The following MYO1E variants were observed in gnomAD, a reference collection of about 807,000 sequenced individuals.
MYO1E encodes myosin IE.
MYO1E carries 68 observed loss-of-function variants against 151.1 expected under a neutral mutation model. That is an observed-to-expected ratio of 0.45 (90% CI 0.37 to 0.55). The LOEUF (loss-of-function observed/expected upper bound fraction) is 0.55. MYO1E is among the 20% of genes least tolerant of loss of function. MYO1E has a pLI of 0.00. For synonymous variants in MYO1E, 601 were observed against 501.7 expected (o/e 1.20, Z -2.64); for missense variants, 1,363 against 1,389.3 (o/e 0.98, Z 0.30).
chr15:59,235,549 A>G (rs1218683415), intron 5 of MYO1E, among the ~76,000 whole-genome samples: 5 of 152,254 alleles, frequency 3.3e-5, no homozygotes, highest in African/African-American at 1.2e-4. Context: ...TATTATATAA[A>G]GAACCACAAA....
In MYO1E at chr15:59,258,761, G is replaced by C. The variant is rs535580415; in HGVS notation, c.238-2383C>G. ...CCAGCTATTTGCTTGGGAAGCTGCG[G>C]TCGGGGGATCGCTTGAGTCCTGGAG... On this transcript the variant is annotated intron_variant, in intron 3 of 27. Coordinates refer to ENST00000288235, the MANE Select transcript of MYO1E (RefSeq NM_004998.4). 3.5e-3 allele frequency among the ~76,000 whole-genome samples: 537 copies of C among 152,212 alleles called. 3 individuals are homozygous for C. The highest frequency in any genetic ancestry group is 0.012 in the African/African-American group (506 of 41,550).
chr15:59,247,482 C>T (rs1331880990), intron 4 of MYO1E, among the ~76,000 whole-genome samples: 2 of 152,164 alleles, frequency 1.3e-5, no homozygotes, highest in African/African-American at 4.8e-5. Context: ...TCTCTTAAGC[C>T]TCATTTTTTA....
At chr15:59,323,050 T>A (rs1346273228) in intron 1 of MYO1E, among the ~76,000 whole-genome samples, 1 of 148,788 alleles carries the variant, frequency 6.7e-6, no homozygotes, top group Non-Finnish European at 1.5e-5. Context: ...GCACCTGTAG[T>A]CCCAGCTACT....
intron 19 of MYO1E, among the ~76,000 whole-genome samples, chr15:59,175,884 G>A (rs1385780456): frequency 6.6e-6 from 1 of 152,116 alleles, no homozygotes; most frequent in Non-Finnish European, 1.5e-5. Context: ...AGAAATTAGG[G>A]AGGTTCAAGA....
chr15:59,275,740 A>T (rs2080314538), intron 1 of MYO1E, among the ~76,000 whole-genome samples: 1 of 152,218 alleles, frequency 6.6e-6, no homozygotes, highest in Non-Finnish European at 1.5e-5. Context: ...GACAAGGTGG[A>T]TCAATGAAAG....
chr15:59,277,564 A>AAAAACAAAAC (rs2080328177), intron 1 of MYO1E, among the ~76,000 whole-genome samples: 1 of 139,794 alleles, frequency 7.2e-6, no homozygotes, highest in African/African-American at 2.8e-5. Context: ...AAAAAAAAAA[A>AAAAACAAAAC]AAAAAAAAAC....
At chr15:59,305,907 C>A (rs1019500280) in intron 1 of MYO1E, among the ~76,000 whole-genome samples, 1 of 152,124 alleles carries the variant, frequency 6.6e-6, no homozygotes, top group Admixed American at 6.5e-5. Context: ...AGGATGAGGA[C>A]AGACCAAGGC....
chr15:59,320,924 C>G (rs766769509), intron 1 of MYO1E, among the ~76,000 whole-genome samples: 9 of 152,076 alleles, frequency 5.9e-5, no homozygotes, highest in Non-Finnish European at 1.3e-4. Flanking sequence ...AAAATATTCA[C>G]AAACTATGCA....
chr15:59,317,302 C>T (rs1378257315), intron 1 of MYO1E, among the ~76,000 whole-genome samples: 1 of 152,192 alleles, frequency 6.6e-6, no homozygotes, highest in Non-Finnish European at 1.5e-5. Context: ...GCTGTGTATG[C>T]TAAGACATAC....
rs1263037623 is a variant in MYO1E, at chr15:59,273,969, G to A, written c.4-1520C>T. Among the ~76,000 whole-genome samples, 58 of 152,154 alleles carry A rather than the reference G, an allele frequency of 3.8e-4. 3 individuals are homozygous for A. Among genetic ancestry groups the A allele is most frequent in the Admixed American group, 1.3e-4 (2 of 15,282 alleles). ...GACATCAAAACTAGGATGAAAAAAG[G>A]GAAAAGGAGGCTTTTTGAGAGGAGA... On this transcript the variant is annotated intron_variant, in intron 1 of 27. Coordinates refer to ENST00000288235, the MANE Select transcript of MYO1E (RefSeq NM_004998.4).
intron 4 of MYO1E, among the ~76,000 whole-genome samples, chr15:59,242,781 A>C (rs547909782): frequency 3.3e-5 from 5 of 152,352 alleles, no homozygotes; most frequent in Non-Finnish European, 5.9e-5. Context: ...CTACAGAACC[A>C]GGTGATCAAG....
intron 6 of MYO1E, among the ~76,000 whole-genome samples, chr15:59,231,420 T>C (rs1264606639): frequency 2.0e-5 from 3 of 152,214 alleles, no homozygotes; most frequent in Non-Finnish European, 2.9e-5. Flanking sequence ...TAAAGACAAC[T>C]CCTCCAAGGC....
intron 3 of MYO1E, among the ~76,000 whole-genome samples, chr15:59,259,414 G>T (rs1432895673): frequency 1.3e-5 from 2 of 152,126 alleles, no homozygotes; most frequent in African/African-American, 4.8e-5. Context: ...CATGAGATCA[G>T]TCCAAAACAA....
chr15:59,285,350 CTTTTTTTTT>C (rs368001329), intron 1 of MYO1E, among the ~76,000 whole-genome samples: 4 of 74,054 alleles, frequency 5.4e-5, no homozygotes, highest in Admixed American at 2.0e-4. Flanking sequence ...GACACTGTCT[CTTTTTTTTT>C]TTTTTTTTTT....
chr15:59,163,202 T>C lies in MYO1E; in HGVS notation c.2582A>G (p.Tyr861Cys), dbSNP rs1332659569. 6.2e-7 allele frequency: 1 copy of C among 1,614,198 alleles called. No homozygotes were observed. Among genetic ancestry groups the C allele is most frequent in the Non-Finnish European group, 8.5e-7 (1 of 1,180,014 alleles). Residue 861 changes from tyrosine to cysteine, a missense_variant, in exon 23 of 28, where the codon TAC (tyrosine) becomes TGC (cysteine). Transcript: ENST00000288235. ...TEFLSLLAKRYEEKTQKQLPL... is the reference protein window; with the variant it reads ...TEFLSLLAKRCEEKTQKQLPL... ...TAGTTGCTTCTGGGTCTTCTCCTCG[T>C]AACGCTTTGCTAAGAGGCTTAGGAA...
rs558487291 is a variant in MYO1E, at chr15:59,135,909, T to G, written c.*1471A>C. The stretch of plus-strand genomic sequence containing the variant: ...CACTGATTCCAGCTTTTCACTATTA[T>G]GGCAAGAAAACATTGTTTTAGTTTG... On this transcript the variant is annotated 3_prime_UTR_variant, in exon 28 of 28. Coordinates refer to ENST00000288235, the MANE Select transcript of MYO1E (RefSeq NM_004998.4). The G allele has an allele frequency of 1.3e-5, 2 of 152,360 alleles. No homozygotes were observed. The highest frequency in any genetic ancestry group is 3.9e-4 in the East Asian group (2 of 5,192). 9.4% of individuals were successfully genotyped at this position (152,360 alleles called of 1,614,324 possible). A position where few individuals can be genotyped will look rare whatever the true frequency, so the allele number is the denominator to read the frequency against.
At chr15:59,292,403 G>C (rs1351815014) in intron 1 of MYO1E, among the ~76,000 whole-genome samples, 3 of 152,324 alleles carry the variant, frequency 2.0e-5, no homozygotes, top group South Asian at 4.1e-4. Flanking sequence ...CCCATGAAAT[G>C]TACTACGACT....
At position 59,224,779 on chromosome 15, in the gene MYO1E, G is replaced by C. The variant is rs746323663; in HGVS notation, c.687C>G (p.Ile229Met). 30 of 1,614,078 alleles carry C rather than the reference G, an allele frequency of 1.9e-5. No individual in the cohort carries two copies. Among genetic ancestry groups the C allele is most frequent in the Non-Finnish European group, 2.5e-5 (29 of 1,180,032 alleles). ...GGTAGTAATAATAGTCCATGCTGGT[G>C]ATGCCAAGGCTGTGTTTCTGCTCTG... ...ASAEQKHSLGITSMDYYYYLS... is the reference protein window; with the variant it reads ...ASAEQKHSLGMTSMDYYYYLS... The change falls in exon 8 of 28, where the codon ATC (isoleucine) becomes ATG (methionine). Residue 229 changes from isoleucine (I) to methionine (M), a missense_variant. Physicochemically the swap from Ile to Met is conservative, Grantham distance 10. Transcript: ENST00000288235.
intron 1 of MYO1E, among the ~76,000 whole-genome samples, chr15:59,339,437 C>T (rs575340098): frequency 7.2e-5 from 11 of 152,308 alleles, no homozygotes; most frequent in African/African-American, 2.6e-4. Flanking sequence ...TAACTGACTC[C>T]ATACTGTAGA....
Sources: allele counts gnomAD v4.1 joint callset (sites outside exome capture counted in the v4.1 genomes callset), GRCh38; gene constraint gnomAD v4.1.1; transcripts MANE v1.5; gene names NCBI Gene and HGNC (gene_info 2026-07-23, HGNC 2026-07-21).